The following MAP2K1 variants were observed in gnomAD, a reference collection of about 807,000 sequenced individuals.
The protein encoded by MAP2K1 is dual specificity mitogen-activated protein kinase kinase 1.
Under a neutral mutation model 46.3 loss-of-function variants are expected in MAP2K1, and 16 were observed. That is an observed-to-expected ratio of 0.35 (90% CI 0.23 to 0.52). The LOEUF (loss-of-function observed/expected upper bound fraction) is 0.52, where lower values mean the gene tolerates loss of function less well. Among genes scored for constraint, MAP2K1 ranks in the 20% least tolerant of loss-of-function variants. MAP2K1 has a pLI of 0.94. For missense variants in MAP2K1, 263 were observed against 497.1 expected (o/e 0.53, Z 4.48); for synonymous variants, 183 against 185.6 (o/e 0.99, Z 0.11).
chr15:66,402,226 C>A (rs1011003659), intron 1 of MAP2K1, among the ~76,000 whole-genome samples: 4 of 152,222 alleles, frequency 2.6e-5, no homozygotes, highest in African/African-American at 9.7e-5. Flanking sequence ...CTCTACACAA[C>A]TAGCAGGAAT....
At chr15:66,489,862 G>A (rs1187943045) in intron 10 of MAP2K1, 99 bp downstream of exon 10, 1 of 1,006,664 alleles carries the variant, frequency 9.9e-7, no homozygotes, top group Non-Finnish European at 1.6e-6. Context: ...TTCATTCCCT[G>A]CCCACTGTGG....
rs1236036379 is a variant in MAP2K1, at chr15:66,470,105, T to G, written c.569-11650T>G. 6.3e-5 allele frequency among the ~76,000 whole-genome samples: 9 copies of G among 141,774 alleles called. No individual in the cohort carries two copies. The East Asian group carries it at 1.4e-3, about 23-fold the overall frequency. 93.0% of individuals were successfully genotyped at this position (141,774 alleles called of 152,430 possible). On this transcript the variant is annotated intron_variant, in intron 5 of 10. Coordinates refer to ENST00000307102, the MANE Select transcript of MAP2K1 (RefSeq NM_002755.4). ...CACTTTTTTTTCTTGTTTTTTTTTT[T>G]TTTTTTTTTTTTTGTGGGAATTTAG...
intron 1 of MAP2K1, among the ~76,000 whole-genome samples, chr15:66,429,856 T>C (rs967650914): frequency 3.3e-5 from 5 of 152,088 alleles, no homozygotes; most frequent in African/African-American, 1.2e-4. Context: ...AGACCCATGG[T>C]GCCAGTTCTT....
chr15:66,482,372 C>G lies in MAP2K1; in HGVS notation c.693+493C>G, dbSNP rs1277876626. On this transcript the variant is annotated intron_variant, in intron 6 of 10. Transcript: ENST00000307102. ...TTTCAGTATCTTGTAGCTCCCAACT[C>G]CTGAGAGTCTGTTCAGAATTGTCCA... 2.0e-5 allele frequency among the ~76,000 whole-genome samples: 3 copies of G among 152,206 alleles called. No individual in the cohort carries two copies. In the East Asian group the frequency reaches 5.8e-4, roughly 29 times the overall value.
chr15:66,490,534 G>A lies in MAP2K1; in HGVS notation c.1101G>A (p.Glu367=). 2 of 1,614,122 alleles carry A rather than the reference G, an allele frequency of 1.2e-6. No individual in the cohort carries two copies. The highest frequency in any genetic ancestry group is 1.7e-5 in the Admixed American group (1 of 60,026). Residue 367 remains glutamate, a synonymous_variant, in exon 11 of 11, where the codon GAG becomes GAA. Transcript: ENST00000307102. The part of the protein sequence containing the change: ...VHAFIKRSDA[E]EVDFAGWLCS... ...CTTTTATCAAGAGATCTGATGCTGAGGAAGTGGATTTTGCAGGTTGGCTCT... is the reference window on the plus strand; with the variant it reads ...CTTTTATCAAGAGATCTGATGCTGAAGAAGTGGATTTTGCAGGTTGGCTCT...
intron 3 of MAP2K1, 108 bp from the exon 4 acceptor site, chr15:66,443,172 C>T (rs1173472443): frequency 5.8e-6 from 4 of 692,598 alleles, no homozygotes; most frequent in African/African-American, 1.9e-5. Context: ...CTGCAAGCTC[C>T]GCCTCCCAGG....
Position 66,387,398 on chromosome 15 carries a change from C to T in MAP2K1, c.51C>T (p.Gly17=). The T allele has an allele frequency of 6.4e-7, 1 of 1,564,930 alleles. No individual in the cohort carries two copies. Among genetic ancestry groups the T allele is most frequent in the East Asian group, 2.4e-5 (1 of 42,382 alleles). Residue 17 remains glycine (G), a synonymous_variant, in exon 1 of 11, where the codon GGC becomes GGT. Coordinates refer to ENST00000307102, the MANE Select transcript of MAP2K1 (RefSeq NM_002755.4). ...TCCAGCTGAACCCGGCCCCCGACGG[C>T]TCTGCAGTTAACGGGACCAGCTCTG... ...TPIQLNPAPD[G]SAVNGTSSAE...
intron 10 of MAP2K1, chr15:66,490,278 T>C (rs1489628958): frequency 1.5e-6 from 1 of 672,988 alleles, no homozygotes; most frequent in Non-Finnish European, 2.7e-6. Flanking sequence ...ACTGCACGAG[T>C]AGGCTCCAAG....
chr15:66,443,350 G>A lies in MAP2K1; in HGVS notation c.509G>A (p.Ser170Asn), dbSNP rs1694332895. ...RIPEQILGKVSIAVIKGLTYL... is the reference protein window; with the variant it reads ...RIPEQILGKVNIAVIKGLTYL... ...CCTGAACAAATTTTAGGAAAAGTTA[G>A]CATTGCTGTGAGTATGTTATGAAGT... The change falls in exon 4 of 11, where the codon AGC becomes AAC. Residue 170 changes from serine (S) to asparagine (N), a missense_variant. Around this residue, in one of 4 missense-constraint regions of MAP2K1, gnomAD observed 103 missense variants for 221.6 expected, o/e 0.46. Transcript: ENST00000307102. The A allele has an allele frequency of 6.2e-7, 1 of 1,602,726 alleles. No individual in the cohort carries two copies. The highest frequency in any genetic ancestry group is 8.5e-7 in the Non-Finnish European group (1 of 1,169,778).
At chr15:66,432,558 C>T (rs1398015964) in intron 1 of MAP2K1, among the ~76,000 whole-genome samples, 1 of 152,200 alleles carries the variant, frequency 6.6e-6, no homozygotes, top group African/African-American at 2.4e-5. Context: ...GCAGGGGAGA[C>T]AGGATTGTCT....
chr15:66,447,943 G>C (rs1366646031), intron 5 of MAP2K1, among the ~76,000 whole-genome samples: 1 of 151,842 alleles, frequency 6.6e-6, no homozygotes, highest in African/African-American at 2.4e-5. Flanking sequence ...CTGAGGTCAG[G>C]AGTTCGAGAC....
chr15:66,393,621 A>G (rs2093361582), intron 1 of MAP2K1, among the ~76,000 whole-genome samples: 1 of 152,210 alleles, frequency 6.6e-6, no homozygotes, highest in South Asian at 2.1e-4. Context: ...AGTGGAGGTG[A>G]TAATTGTTTA....
chr15:66,448,085 G>A (rs143390141), intron 5 of MAP2K1, among the ~76,000 whole-genome samples: 63 of 149,584 alleles, frequency 4.2e-4, no homozygotes, highest in African/African-American at 1.3e-3. Context: ...CCTGGGAGAC[G>A]GAGGTTGCAG....
chr15:66,475,793 CAT>C (rs949851996), intron 5 of MAP2K1, among the ~76,000 whole-genome samples: 2 of 152,178 alleles, frequency 1.3e-5, no homozygotes, highest in African/African-American at 4.8e-5. Context: ...TACACGTGCA[CAT>C]GTTCTTGTCA....
chr15:66,455,665 A>G (rs552628451), intron 5 of MAP2K1, among the ~76,000 whole-genome samples: 81 of 152,272 alleles, frequency 5.3e-4, no homozygotes, highest in African/African-American at 1.9e-3. Context: ...TACACATGGT[A>G]GTTTTCCTAC....
At chr15:66,432,432 A>G (rs2093477125) in intron 1 of MAP2K1, among the ~76,000 whole-genome samples, 1 of 152,256 alleles carries the variant, frequency 6.6e-6, no homozygotes, top group Non-Finnish European at 1.5e-5. Flanking sequence ...AAGAGTCAGA[A>G]AAGTGAACAG....
chr15:66,412,338 G>C (rs971971124), intron 1 of MAP2K1, among the ~76,000 whole-genome samples: 1 of 152,192 alleles, frequency 6.6e-6, no homozygotes, highest in African/African-American at 2.4e-5. Flanking sequence ...CTTTGAGCTG[G>C]TTCTTTGACC....
At chr15:66,392,254 G>GTTTTTTTTTTTTTTT (rs374203054) in intron 1 of MAP2K1, among the ~76,000 whole-genome samples, 23 of 79,670 alleles carry the variant, frequency 2.9e-4, no homozygotes, top group East Asian at 1.0e-3. Context: ...GTTTTTTTTG[G>GTTTTTTTTTTTTTTT]GTTTTTTTTT....
At chr15:66,435,889 A>G (rs2093486754) in intron 2 of MAP2K1, among the ~76,000 whole-genome samples, 1 of 152,188 alleles carries the variant, frequency 6.6e-6, no homozygotes, top group Admixed American at 6.5e-5. Context: ...CAGCCCTGCC[A>G]GTGAATCCCC....
Sources: allele counts gnomAD v4.1 joint callset (sites outside exome capture counted in the v4.1 genomes callset), GRCh38; gene constraint gnomAD v4.1.1; regional missense constraint gnomAD v4.1.1; transcripts MANE v1.5; gene names NCBI Gene and HGNC (gene_info 2026-07-23, HGNC 2026-07-21).